The following THSD4 variants were observed in gnomAD, a reference collection of about 807,000 sequenced individuals.
THSD4 encodes the protein thrombospondin type-1 domain-containing protein 4.
THSD4 carries 69 observed loss-of-function variants against 119.0 expected under a neutral mutation model. The ratio of observed to expected loss-of-function variants is 0.58; its 90% CI spans 0.48 to 0.71. The LOEUF (loss-of-function observed/expected upper bound fraction) is 0.71, where lower values mean the gene tolerates loss of function less well. Ranked by LOEUF, THSD4 falls within the 30% of genes least tolerant of loss-of-function variation. THSD4 has a pLI of 0.00. For synonymous variants in THSD4, 524 were observed against 540.4 expected (o/e 0.97, Z 0.42); for missense variants, 1,393 against 1,391.1 (o/e 1.00, Z -0.02).
chr15:71,357,130 C>T (rs1233479427), intron 6 of THSD4, among the ~76,000 whole-genome samples: 1 of 152,208 alleles, frequency 6.6e-6, no homozygotes, highest in Non-Finnish European at 1.5e-5. Flanking sequence ...CAGGCATGCC[C>T]TAGGTGATGG....
chr15:71,131,228 G>A (rs1033100489), intron 1 of THSD4, among the ~76,000 whole-genome samples: 1 of 152,108 alleles, frequency 6.6e-6, no homozygotes, highest in Non-Finnish European at 1.5e-5. Flanking sequence ...TTTGCTTTGG[G>A]ATGAGATGTC....
intron 3 of THSD4, among the ~76,000 whole-genome samples, chr15:71,157,708 C>G (rs1188678110): frequency 8.1e-6 from 1 of 123,222 alleles, no homozygotes. Flanking sequence ...TTTTCAGATT[C>G]CACATATGAG....
chr15:71,286,739 C>A (rs1387307343), intron 6 of THSD4, among the ~76,000 whole-genome samples: 1 of 152,204 alleles, frequency 6.6e-6, no homozygotes, highest in Non-Finnish European at 1.5e-5. Flanking sequence ...CTGTCTTCCA[C>A]AATGGCTGAA....
chr15:71,304,703 C>A (rs958312334), intron 6 of THSD4, among the ~76,000 whole-genome samples: 8 of 152,134 alleles, frequency 5.3e-5, no homozygotes, highest in Non-Finnish European at 1.2e-4. Flanking sequence ...TGTTCTCCAA[C>A]CTCGTCTATG....
intron 6 of THSD4, among the ~76,000 whole-genome samples, chr15:71,280,196 G>A (rs2044635566): frequency 6.6e-6 from 1 of 152,154 alleles, no homozygotes; most frequent in Non-Finnish European, 1.5e-5. Flanking sequence ...AGGAAACATC[G>A]GCGAGTGTCC....
intron 7 of THSD4, among the ~76,000 whole-genome samples, chr15:71,653,216 C>G (rs1171274924): frequency 6.6e-6 from 1 of 152,278 alleles, no homozygotes; most frequent in Admixed American, 6.5e-5. Flanking sequence ...TTAAAGAACT[C>G]GAGAAGGTTT....
At chr15:71,392,724 C>T (rs2046393417) in intron 6 of THSD4, among the ~76,000 whole-genome samples, 2 of 152,332 alleles carry the variant, frequency 1.3e-5, no homozygotes, top group South Asian at 2.1e-4. Context: ...AGGAAAGCTA[C>T]ACCTCATTTA....
At chr15:71,305,920 C>A (rs1248269449) in intron 6 of THSD4, among the ~76,000 whole-genome samples, 1 of 152,152 alleles carries the variant, frequency 6.6e-6, no homozygotes, top group Non-Finnish European at 1.5e-5. Context: ...TGGCCAGTCA[C>A]CACCACCATC....
At chr15:71,284,636 A>G (rs1432844788) in intron 6 of THSD4, among the ~76,000 whole-genome samples, 1 of 152,240 alleles carries the variant, frequency 6.6e-6, no homozygotes, top group Admixed American at 6.5e-5. Flanking sequence ...CCTAACTCAA[A>G]GACTTACAGA....
At chr15:71,333,377 G>A (rs151284205) in intron 6 of THSD4, among the ~76,000 whole-genome samples, 1 of 152,250 alleles carries the variant, frequency 6.6e-6, no homozygotes, top group Non-Finnish European at 1.5e-5. Context: ...GCTCACTGTG[G>A]TCATAGAGAA....
In THSD4 at chr15:71,461,425, T is replaced by C. The variant is rs143191898; in HGVS notation, c.1152+49602T>C. Among the ~76,000 whole-genome samples the C allele has an allele frequency of 3.6e-3, 546 of 152,346 alleles. 2 individuals are homozygous for C. The highest frequency in any genetic ancestry group is 0.012 in the African/African-American group (513 of 41,576). On this transcript the variant is annotated intron_variant, in intron 7 of 17. Transcript: ENST00000261862. Reference sequence around the variant, plus strand: ...GTTACAAGGTCAGTGTTATTCAGTGTGTGAGGGACTTATAGAAGGGCATGA... The same window carrying C: ...GTTACAAGGTCAGTGTTATTCAGTGCGTGAGGGACTTATAGAAGGGCATGA...
chr15:71,226,880 T>C (rs1385295002), intron 4 of THSD4, among the ~76,000 whole-genome samples: 1 of 152,216 alleles, frequency 6.6e-6, no homozygotes, highest in Non-Finnish European at 1.5e-5. Flanking sequence ...TGCATACTCC[T>C]TGTTTTTGGT....
At chr15:71,753,712 C>T (rs1344281330) in intron 14 of THSD4, among the ~76,000 whole-genome samples, 1 of 152,244 alleles carries the variant, frequency 6.6e-6, no homozygotes, top group Non-Finnish European at 1.5e-5. Flanking sequence ...GGTTAGTCCC[C>T]ACTCCCTGGT....
At chr15:71,323,477 T>C (rs2045300890) in intron 6 of THSD4, among the ~76,000 whole-genome samples, 1 of 152,184 alleles carries the variant, frequency 6.6e-6, no homozygotes, top group Admixed American at 6.5e-5. Flanking sequence ...TGGGGGCAGG[T>C]AGAAAAGCCT....
chr15:71,683,566 C>T (rs1265629922), intron 8 of THSD4, among the ~76,000 whole-genome samples: 9 of 152,142 alleles, frequency 5.9e-5, no homozygotes, highest in Admixed American at 3.9e-4. Flanking sequence ...GAGCAGGCTG[C>T]TATTTGAGTT....
rs373338581 is a variant in THSD4, at chr15:71,721,440, G to A, written c.1358-7109G>A. 1.8e-4 allele frequency among the ~76,000 whole-genome samples: 27 copies of A among 152,178 alleles called. No homozygotes were observed. In the East Asian group the frequency reaches 4.3e-3, roughly 24 times the overall value. On this transcript the variant is annotated intron_variant, in intron 8 of 17. Transcript: ENST00000261862. ...GGAGAATCACTTGAACCTGGGAGGC[G>A]GAGGTTGCAGTGAGCTGAGATTGTG...
At chr15:71,238,303 A>T (rs1023926322) in intron 4 of THSD4, among the ~76,000 whole-genome samples, 1 of 152,242 alleles carries the variant, frequency 6.6e-6, no homozygotes, top group Non-Finnish European at 1.5e-5. Flanking sequence ...CTTAAAAAAA[A>T]CTTTATTGAG....
chr15:71,306,795 C>G (rs2045036621), intron 6 of THSD4, among the ~76,000 whole-genome samples: 1 of 152,210 alleles, frequency 6.6e-6, no homozygotes, highest in Admixed American at 6.5e-5. Flanking sequence ...CATAAAATTG[C>G]TTAACCTTGT....
intron 3 of THSD4, among the ~76,000 whole-genome samples, chr15:71,212,998 G>A (rs17785209): frequency 0.45 from 68,267 of 152,064 alleles, 16,031 homozygotes; most frequent in Middle Eastern, 0.6. Flanking sequence ...CTCCAAGTAT[G>A]AGCACACTCC....
Sources: gnomAD v4.1 joint callset for allele counts (sites outside exome capture counted in the v4.1 genomes callset) on GRCh38, gnomAD v4.1.1 for gene constraint, MANE v1.5 for transcripts, NCBI Gene and HGNC (gene_info 2026-07-23, HGNC 2026-07-21) for gene names.